MBNL3: variants seen among roughly 807,000 people sequenced by gnomAD.
MBNL3 encodes the protein muscleblind like splicing regulator 3.
A neutral mutation model predicts 24.5 loss-of-function variants in MBNL3; 6 were observed. The ratio of observed to expected loss-of-function variants is 0.25; its 90% confidence interval spans 0.13 to 0.48. The LOEUF (loss-of-function observed/expected upper bound fraction) is 0.48, where lower values mean the gene tolerates loss of function less well. Ranked by LOEUF, MBNL3 falls within the 20% of genes least tolerant of loss-of-function variation. MBNL3 has a pLI of 0.99. For missense variants in MBNL3, 230 were observed against 293.5 expected (o/e 0.78, Z 1.58); for synonymous variants, 100 against 101.7 (o/e 0.98, Z 0.10).
rs1395227750 is a variant in MBNL3, at chrX:132,376,382, A to G, written c.*3284T>C. 8.9e-6 allele frequency: 1 copy of G among 111,946 alleles called. No individual in the cohort carries two copies. The highest frequency in any genetic ancestry group is 1.9e-5 in the Non-Finnish European group (1 of 53,052). 9.2% of individuals were successfully genotyped at this position (111,946 alleles called of 1,213,427 possible). A position where few individuals can be genotyped will look rare whatever the true frequency, so the allele number is the denominator to read the frequency against. ...TTTAATCTTAATCCCTCTTTAAAAT[A>G]TACGTATGTTATGGTCACATAGTAC... On this transcript the variant is annotated 3_prime_UTR_variant, in exon 9 of 9. Transcript: ENST00000370853.
chrX:132,465,794 A>C (rs1386305253), intron 1 of MBNL3, among the ~76,000 whole-genome samples: 1 of 112,069 alleles, frequency 8.9e-6, no homozygotes, highest in East Asian at 2.8e-4. Flanking sequence ...GATATCTAAT[A>C]ATTCTTCAAT....
intron 1 of MBNL3, among the ~76,000 whole-genome samples, chrX:132,447,383 T>G (rs1248732835): frequency 1.8e-5 from 2 of 112,148 alleles, no homozygotes; most frequent in African/African-American, 6.5e-5. Flanking sequence ...ATCCCATCCA[T>G]GGGCATGGAA....
intron 1 of MBNL3, among the ~76,000 whole-genome samples, chrX:132,452,888 TAAC>T (rs903931678): frequency 2.7e-5 from 3 of 112,357 alleles, no homozygotes; most frequent in Admixed American, 9.4e-5. Context: ...TTGGTAACAT[TAAC>T]AACAAATCTG....
chrX:132,471,962 G>A (rs992739043), intron 1 of MBNL3, among the ~76,000 whole-genome samples: 1 of 112,108 alleles, frequency 8.9e-6, no homozygotes. Context: ...TGATTTCCTG[G>A]GCTAAGATTG....
chrX:132,441,774 GATAAAGAA>G (rs1308632011), intron 1 of MBNL3, among the ~76,000 whole-genome samples: 5 of 111,483 alleles, frequency 4.5e-5, no homozygotes, highest in Non-Finnish European at 9.4e-5. Flanking sequence ...GAAAACAAGT[GATAAAGAA>G]ATCCTCCTAC....
At position 132,390,401 on chromosome X, in the gene MBNL3, GA is replaced by G. The variant is rs780392374; in HGVS notation, c.771+445del. On this transcript the variant is annotated intron_variant, in intron 5 of 8. Transcript: ENST00000370853. ...GAGGAAAAGTGGCCTTAACCTTTAG[GA>G]AATTACAACCTACTTAATACCCTAT... 1.6e-4 allele frequency among the ~76,000 whole-genome samples: 17 copies of G among 109,608 alleles called. No homozygotes were observed. In the East Asian group the frequency reaches 4.9e-3, roughly 31 times the overall value.
intron 1 of MBNL3, among the ~76,000 whole-genome samples, chrX:132,468,829 T>C (rs1947023476): frequency 8.9e-6 from 1 of 112,416 alleles, no homozygotes; most frequent in African/African-American, 3.2e-5. Context: ...AATTTATACA[T>C]GTTTGTTACC....
chrX:132,488,028 G>T (rs1246075461), intron 1 of MBNL3, among the ~76,000 whole-genome samples: 1 of 112,172 alleles, frequency 8.9e-6, no homozygotes, highest in Non-Finnish European at 1.9e-5. Flanking sequence ...ATTAAATCTT[G>T]CAAGTTTTGT....
At chrX:132,443,281 A>G (rs1465523610) in intron 1 of MBNL3, among the ~76,000 whole-genome samples, 1 of 111,923 alleles carries the variant, frequency 8.9e-6, no homozygotes, top group Non-Finnish European at 1.9e-5. Context: ...CGAAGTTACA[A>G]AGCCTGGTGG....
chrX:132,411,290 G>A (rs934535278), intron 2 of MBNL3: 14 of 752,084 alleles, frequency 1.9e-5, no homozygotes, highest in Admixed American at 8.8e-5. Flanking sequence ...TTGAATAGGC[G>A]AGAAGCTGGG....
chrX:132,470,292 A>G (rs975235094), intron 1 of MBNL3, among the ~76,000 whole-genome samples: 14 of 111,745 alleles, frequency 1.3e-4, no homozygotes, highest in Admixed American at 3.8e-4. Context: ...AATTACTTAC[A>G]TGATCAGAGT....
chrX:132,487,209 G>A (rs1948055562), intron 1 of MBNL3, among the ~76,000 whole-genome samples: 1 of 109,986 alleles, frequency 9.1e-6, no homozygotes, highest in African/African-American at 3.3e-5. Flanking sequence ...CAGCAAGGTA[G>A]CACATCCGGA....
upstream of MBNL3, among the ~76,000 whole-genome samples, chrX:132,489,563 G>A (rs1247839184): frequency 8.9e-6 from 1 of 111,737 alleles, no homozygotes; most frequent in Non-Finnish European, 1.9e-5. Flanking sequence ...GTCCCCTCGC[G>A]CAGCCCCGCC....
chrX:132,470,419 G>C (rs1327995050), intron 1 of MBNL3, among the ~76,000 whole-genome samples: 1 of 110,940 alleles, frequency 9.0e-6, no homozygotes, highest in Non-Finnish European at 1.9e-5. Flanking sequence ...CTGAAAGGGG[G>C]ATGAAAAGGA....
rs961641975 is a variant in MBNL3 at position 132,377,553 on chromosome X, G to A, written c.*2113C>T. On this transcript the variant is annotated 3_prime_UTR_variant, in exon 9 of 9. Transcript: ENST00000370853. ...ATTCTGAGCCAAATGGGTCTGCTTT[G>A]GAAGAGAGCATCAAATGTTCTGAAG... 3.2e-4 allele frequency: 35 copies of A among 111,070 alleles called. No individual in the cohort carries two copies. Among genetic ancestry groups the A allele is most frequent in the African/African-American group, 9.8e-4 (30 of 30,586 alleles). 9.2% of individuals were successfully genotyped at this position (111,070 alleles called of 1,213,427 possible). A position where few individuals can be genotyped will look rare whatever the true frequency, so the allele number is the denominator to read the frequency against.
In MBNL3 at chrX:132,422,170, C is replaced by G. The variant is rs781127690; in HGVS notation, c.178-15778G>C. On this transcript the variant is annotated intron_variant, in intron 2 of 8. Coordinates refer to ENST00000370853, the MANE Select transcript of MBNL3 (RefSeq NM_001386889.1). ...GTGTGTGTGTGTACATATACACACC[C>G]TTTTGTTCTCACAGTTGCTACATAT... is the stretch of plus-strand genomic sequence containing the variant. Among the ~76,000 whole-genome samples, 9 of 108,956 alleles carry G rather than the reference C, an allele frequency of 8.3e-5. 1 individual carries two copies. The South Asian group carries it at 3.6e-3, about 43-fold the overall frequency. 94.6% of individuals were successfully genotyped at this position (108,956 alleles called of 115,157 possible).
At position 132,403,099 on chromosome X, in the gene MBNL3, G is replaced by A. The variant is rs773706814; in HGVS notation, c.342+3129C>T. On this transcript the variant is annotated intron_variant, in intron 3 of 8. Coordinates refer to ENST00000370853, the MANE Select transcript of MBNL3 (RefSeq NM_001386889.1). Reference sequence around the variant, plus strand: ...TTAAAAGGGATAGAGAGTTGTTTGAGGGAGAGTAGGTACCAGAGAAATTAA... The same window carrying A: ...TTAAAAGGGATAGAGAGTTGTTTGAAGGAGAGTAGGTACCAGAGAAATTAA... Among the ~76,000 whole-genome samples, 31 of 111,651 alleles carry A rather than the reference G, an allele frequency of 2.8e-4. No individual in the cohort carries two copies. The South Asian group carries it at 3.0e-3, about 11-fold the overall frequency.
chrX:132,483,703 G>A (rs1415495779), intron 1 of MBNL3, among the ~76,000 whole-genome samples: 1 of 112,245 alleles, frequency 8.9e-6, no homozygotes, highest in Non-Finnish European at 1.9e-5. Context: ...CCTAAAGACT[G>A]ATTATCCTCT....
rs1022970376 is a variant in MBNL3 at position 132,377,008 on chromosome X, C to T, written c.*2658G>A. On this transcript the variant is annotated 3_prime_UTR_variant, in exon 9 of 9. Coordinates refer to ENST00000370853, the MANE Select transcript of MBNL3 (RefSeq NM_001386889.1). Reference sequence around the variant, plus strand: ...ATTGTTAATGTCTTCCAGTGCTTAACGCAACATGAAAACAGCTGTACTGTA... The same window carrying T: ...ATTGTTAATGTCTTCCAGTGCTTAATGCAACATGAAAACAGCTGTACTGTA... The T allele has an allele frequency of 5.4e-5, 6 of 111,638 alleles. No homozygotes were observed. The highest frequency in any genetic ancestry group is 1.9e-4 in the Admixed American group (2 of 10,495). The allele number at this position is 111,638 out of a possible 1,213,427, so 9.2% of individuals were successfully genotyped here.
Sources: allele counts gnomAD v4.1 joint callset (sites outside exome capture counted in the v4.1 genomes callset), GRCh38; gene constraint gnomAD v4.1.1; transcripts MANE v1.5; gene names NCBI Gene and HGNC (gene_info 2026-07-23, HGNC 2026-07-21).